Variants in ZNF169 observed in about 807,000 individuals in gnomAD.
ZNF169 encodes the protein zinc finger protein 169.
Under a neutral mutation model 12.0 loss-of-function variants are expected in ZNF169, and 11 were observed. That is an observed-to-expected ratio of 0.92 (90% CI 0.58 to 1.52). ZNF169 has a LOEUF of 1.52. Ranked by LOEUF, ZNF169 falls within the 40% of genes most tolerant of loss-of-function variation. ZNF169 has a pLI of 0.00. For synonymous variants in ZNF169, 302 were observed against 286.5 expected (o/e 1.05, Z -0.55); for missense variants, 722 against 744.0 (o/e 0.97, Z 0.34).
chr9:94,291,047 CTTTTTTTT>C (rs59027045), intron 2 of ZNF169, among the ~76,000 whole-genome samples: 4 of 59,570 alleles, frequency 6.7e-5, no homozygotes, highest in African/African-American at 2.2e-4. Context: ...GAACAGTATT[CTTTTTTTT>C]TTTTTTTTTT....
In ZNF169 at chr9:94,300,208, A is replaced by G. The variant is rs767985139; in HGVS notation, c.650A>G (p.Tyr217Cys). Residue 217 changes from tyrosine (Y) to cysteine (C), a missense_variant, in exon 5 of 5, where the codon TAT becomes TGT. Tyr to Cys is a radical substitution (Grantham distance 194, BLOSUM62 -2). Coordinates refer to ENST00000395395, the MANE Select transcript of ZNF169 (RefSeq NM_194320.4). ...TCTGGAGCAGTCATACGTGGAAACT[A>G]TAGACTGGGACTTAGCAAAAAGTCA... ...SESGAVIRGNYRLGLSKKSSL... is the reference protein window; with the variant it reads ...SESGAVIRGNCRLGLSKKSSL... The G allele has an allele frequency of 7.4e-6, 12 of 1,614,118 alleles. No homozygotes were observed. The Admixed American group carries it at 8.3e-5, about 11-fold the overall frequency.
intron 2 of ZNF169, among the ~76,000 whole-genome samples, chr9:94,290,687 A>C (rs1209688342): frequency 6.6e-6 from 1 of 152,152 alleles, no homozygotes; most frequent in Non-Finnish European, 1.5e-5. Context: ...ATAAACATTC[A>C]AGTTGTTTCC....
In ZNF169 at chr9:94,299,839, GT is replaced by G. The variant is rs1272471914; in HGVS notation, c.285del (p.His97ThrfsTer16). Reference sequence around the variant, plus strand: ...GAGCCTAGAACAGAATTCCAGCCAAGTTTTCCCCACCTGGTGGCCTTTTCTA... The same window carrying G: ...GAGCCTAGAACAGAATTCCAGCCAAGTTTCCCCACCTGGTGGCCTTTTCTA... ...CPEPRTEFQP[S>X]FPHLVAFSSS... On this transcript the variant is annotated frameshift_variant, in exon 5 of 5. Transcript: ENST00000395395. LOFTEE classifies it low-confidence loss of function (END_TRUNC). The G allele has an allele frequency of 2.5e-6, 4 of 1,613,700 alleles. No individual in the cohort carries two copies. The South Asian group carries it at 4.4e-5, about 18-fold the overall frequency.
chr9:94,285,133 T>A (rs1410586428), intron 2 of ZNF169, among the ~76,000 whole-genome samples: 1 of 152,056 alleles, frequency 6.6e-6, no homozygotes, highest in Non-Finnish European at 1.5e-5. Flanking sequence ...GATCCTTCCA[T>A]CAGAAAAGGG....
chr9:94,261,853 C>T (rs1312412273), intron 1 of ZNF169, among the ~76,000 whole-genome samples: 3 of 152,130 alleles, frequency 2.0e-5, no homozygotes, highest in Non-Finnish European at 4.4e-5. Context: ...TACTTTTGCA[C>T]CAATCTAATA....
At chr9:94,291,019 C>T (rs10993146) in intron 2 of ZNF169, among the ~76,000 whole-genome samples, 1 of 142,772 alleles carries the variant, frequency 7.0e-6, no homozygotes, top group Admixed American at 7.0e-5. Flanking sequence ...TAAACATCTA[C>T]TCTGATTCTG....
chr9:94,279,325 A>T (rs1830580839), intron 2 of ZNF169, among the ~76,000 whole-genome samples: 4 of 151,902 alleles, frequency 2.6e-5, no homozygotes, highest in Admixed American at 2.6e-4. Context: ...CAGGAGGCTG[A>T]GGTTGCAGTG....
intron 1 of ZNF169, among the ~76,000 whole-genome samples, chr9:94,267,068 C>T (rs1332544900): frequency 6.6e-6 from 1 of 152,108 alleles, no homozygotes; most frequent in Non-Finnish European, 1.5e-5. Flanking sequence ...GCCACCACGC[C>T]CAGCTAACAT....
chr9:94,299,956 C>T lies in ZNF169; in HGVS notation c.398C>T (p.Ala133Val), dbSNP rs772221344. ...SSAGGDFQLEAPRCSSEKGES... is the reference protein window; with the variant it reads ...SSAGGDFQLEVPRCSSEKGES... The stretch of plus-strand genomic sequence containing the variant: ...GCAGGAGGTGACTTCCAACTAGAAG[C>T]TCCAAGATGCTCTAGTGAAAAAGGA... Residue 133 changes from alanine to valine, a missense_variant, in exon 5 of 5, where the codon GCT becomes GTT. By Grantham distance (64) the Ala-to-Val change is moderately conservative. Transcript: ENST00000395395. 5.6e-6 allele frequency: 9 copies of T among 1,614,114 alleles called. No homozygotes were observed. The Admixed American group carries it at 8.3e-5, about 15-fold the overall frequency.
rs962446777 is a variant in ZNF169 at position 94,278,730 on chromosome 9, C to G, written c.-55-28C>G. The G allele has an allele frequency of 5.2e-5, 70 of 1,345,940 alleles. No homozygotes were observed. The East Asian group carries it at 9.0e-4, about 17-fold the overall frequency. The allele number at this position is 1,345,940 out of a possible 1,614,324, so 83.4% of individuals were successfully genotyped here. A position where few individuals can be genotyped will look rare whatever the true frequency, so the allele number is the denominator to read the frequency against. On this transcript the variant is annotated intron_variant, in intron 1 of 4. Coordinates refer to ENST00000395395, the MANE Select transcript of ZNF169 (RefSeq NM_194320.4). ...TGTGAAGGGTGTTCTTCCCAAGTAC[C>G]TCTCTCACTTCTCATCTCTTTCCCC...
chr9:94,293,363 C>G, intron 4 of ZNF169: 1 of 603,958 alleles, frequency 1.7e-6, no homozygotes, highest in Non-Finnish European at 2.9e-6. Context: ...TTGGCATGAT[C>G]TTCAAAACAG....
At position 94,300,413 on chromosome 9, in the gene ZNF169, G is replaced by T. The variant is rs760747908; in HGVS notation, c.855G>T (p.Ser285=). ...ASLSIHQRKH[S]GEKPYVCREC... ...TCTCCATACACCAGAGGAAGCACTC[G>T]GGGGAGAAGCCGTATGTGTGCAGGG... The change falls in exon 5 of 5, where the codon TCG becomes TCT. Residue 285 remains serine, a synonymous_variant. Coordinates refer to ENST00000395395, the MANE Select transcript of ZNF169 (RefSeq NM_194320.4). 6.2e-7 allele frequency: 1 copy of T among 1,612,788 alleles called. No homozygotes were observed. The highest frequency in any genetic ancestry group is 1.1e-5 in the South Asian group (1 of 90,944).
At chr9:94,287,224 C>A (rs1351912964) in intron 2 of ZNF169, among the ~76,000 whole-genome samples, 1 of 152,098 alleles carries the variant, frequency 6.6e-6, no homozygotes, top group African/African-American at 2.4e-5. Flanking sequence ...TCTTCTGTAC[C>A]CCTGAAAGGG....
At chr9:94,260,986 A>AT (rs796561980) in intron 1 of ZNF169, among the ~76,000 whole-genome samples, 8 of 149,628 alleles carry the variant, frequency 5.3e-5, no homozygotes, top group African/African-American at 1.2e-4. Context: ...CGCCCGGCTA[A>AT]TTTTTTTTGT....
intron 1 of ZNF169, among the ~76,000 whole-genome samples, chr9:94,270,906 T>A (rs1830404396): frequency 6.4e-5 from 1 of 15,550 alleles, no homozygotes; most frequent in South Asian, 1.7e-3. Flanking sequence ...ATAATATATA[T>A]ATTATATTAT....
intron 1 of ZNF169, among the ~76,000 whole-genome samples, chr9:94,277,788 C>A (rs1336052735): frequency 6.6e-6 from 1 of 151,860 alleles, no homozygotes; most frequent in Non-Finnish European, 1.5e-5. Context: ...AAAAATTAGC[C>A]GGGCGTGATG....
chr9:94,278,691 G>C, intron 1 of ZNF169, 67 bp from the exon 2 acceptor site: 1 of 861,750 alleles, frequency 1.2e-6, no homozygotes, highest in Non-Finnish European at 1.8e-6. Context: ...ACTGAATTGG[G>C]AGGCTGGACA....
chr9:94,277,267 G>A (rs1830538138), intron 1 of ZNF169, among the ~76,000 whole-genome samples: 1 of 152,182 alleles, frequency 6.6e-6, no homozygotes, highest in African/African-American at 2.4e-5. Context: ...TTATTGTGCA[G>A]AGGAAGCTCT....
At chr9:94,287,990 C>G in intron 2 of ZNF169, 3 of 800,476 alleles carry the variant, frequency 3.7e-6, no homozygotes, top group Admixed American at 1.7e-5. Context: ...CAAACTCTGT[C>G]CCATCATTCA....
Sources: gnomAD v4.1 joint callset for allele counts (sites outside exome capture counted in the v4.1 genomes callset) on GRCh38, gnomAD v4.1.1 for gene constraint, MANE v1.5 for transcripts, NCBI Gene and HGNC (gene_info 2026-07-23, HGNC 2026-07-21) for gene names.